Variants in TAFA2 observed in about 807,000 individuals in gnomAD.
The protein encoded by TAFA2 is TAFA chemokine like family member 2.
Under a neutral mutation model 18.8 loss-of-function variants are expected in TAFA2, and 7 were observed. That is an observed-to-expected ratio of 0.37 (90% CI 0.21 to 0.70). TAFA2 has a LOEUF of 0.70. Among genes scored for constraint, TAFA2 ranks in the 30% least tolerant of loss-of-function variants. The pLI is 0.53. For missense variants in TAFA2, 122 were observed against 158.1 expected, an observed-to-expected ratio of 0.77 and a Z score of 1.23; for synonymous variants, 60 against 54.2, an observed-to-expected ratio of 1.11 and a Z score of -0.47.
intron 2 of TAFA2, among the ~76,000 whole-genome samples, chr12:61,836,758 C>T (rs865793041): frequency 0.052 from 3,014 of 58,460 alleles, 77 homozygotes; most frequent in African/African-American, 0.13. Context: ...TATATATATA[C>T]ACACACACAC....
At chr12:61,884,583 T>C (rs1875290035) in intron 1 of TAFA2, among the ~76,000 whole-genome samples, 1 of 152,158 alleles carries the variant, frequency 6.6e-6, no homozygotes, top group African/African-American at 2.4e-5. Context: ...TCTTAAAAAC[T>C]AGAGATGCTA....
At chr12:61,879,894 A>G in intron 1 of TAFA2, 1 of 914,370 alleles carries the variant, frequency 1.1e-6, no homozygotes, top group Non-Finnish European at 1.8e-6. Context: ...GAGATGGAGA[A>G]TGAATTTGTC....
At chr12:62,151,239 C>A (rs571537348) in intron 1 of TAFA2, among the ~76,000 whole-genome samples, 2 of 152,250 alleles carry the variant, frequency 1.3e-5, no homozygotes, top group South Asian at 4.1e-4. Flanking sequence ...CTAATCAGTA[C>A]CTATCTTGCT....
At chr12:62,095,924 G>A (rs1427811203) in intron 1 of TAFA2, among the ~76,000 whole-genome samples, 1 of 152,122 alleles carries the variant, frequency 6.6e-6, no homozygotes, top group East Asian at 1.9e-4. Flanking sequence ...AGGATGAGAA[G>A]GAGCCAGTTT....
At chr12:61,919,604 C>A (rs1330531263) in intron 1 of TAFA2, among the ~76,000 whole-genome samples, 3 of 152,084 alleles carry the variant, frequency 2.0e-5, no homozygotes, top group Non-Finnish European at 4.4e-5. Flanking sequence ...ACACTCAGAT[C>A]AACCATCAAT....
intron 1 of TAFA2, among the ~76,000 whole-genome samples, chr12:62,254,842 T>C (rs2062930863): frequency 6.6e-6 from 1 of 152,214 alleles, no homozygotes; most frequent in Non-Finnish European, 1.5e-5. Context: ...TCTAAGACTC[T>C]TTGTGAGCAA....
chr12:61,917,594 G>T (rs1876878586), intron 1 of TAFA2, among the ~76,000 whole-genome samples: 2 of 152,134 alleles, frequency 1.3e-5, no homozygotes. Flanking sequence ...TGACATATCA[G>T]GAAGCTTGGC....
intron 1 of TAFA2, among the ~76,000 whole-genome samples, chr12:62,014,209 G>T (rs1488093004): frequency 6.6e-6 from 1 of 152,164 alleles, no homozygotes; most frequent in African/African-American, 2.4e-5. Flanking sequence ...AGAATACAGG[G>T]TAAATTTAAC....
In TAFA2 at chr12:62,100,604, C is replaced by G. The variant is rs188769438; in HGVS notation, c.-2+90655G>C. ...ATAGCCTATATCATACATCTCATCC[C>G]ATCCAGTCATCCTAAAAGAACAGTG... On this transcript the variant is annotated intron_variant, in intron 1 of 4. Transcript: ENST00000416284. 2.1e-3 allele frequency among the ~76,000 whole-genome samples: 314 copies of G among 152,270 alleles called. 2 individuals carry two copies. Among genetic ancestry groups the G allele is most frequent in the Non-Finnish European group, 1.9e-3 (129 of 68,036 alleles).
At chr12:61,824,977 T>C (rs1463286379) in intron 2 of TAFA2, among the ~76,000 whole-genome samples, 3 of 152,196 alleles carry the variant, frequency 2.0e-5, no homozygotes, top group Non-Finnish European at 2.9e-5. Flanking sequence ...AGCCCATCTA[T>C]GATGTTTGTA....
At chr12:61,715,755 A>T (rs967796139) in intron 4 of TAFA2, among the ~76,000 whole-genome samples, 1 of 151,786 alleles carries the variant, frequency 6.6e-6, no homozygotes, top group Non-Finnish European at 1.5e-5. Flanking sequence ...CTACAAAAAA[A>T]AAAAAAATTA....
At chr12:61,967,747 A>G (rs1171008054) in intron 1 of TAFA2, among the ~76,000 whole-genome samples, 1 of 151,862 alleles carries the variant, frequency 6.6e-6, no homozygotes, top group Non-Finnish European at 1.5e-5. Flanking sequence ...AGGAAATCAG[A>G]ATAAAACAGA....
At chr12:62,042,432 CGTGTGT>C (rs71450572) in intron 1 of TAFA2, among the ~76,000 whole-genome samples, 2 of 143,496 alleles carry the variant, frequency 1.4e-5, no homozygotes, top group African/African-American at 5.6e-5. Context: ...TGTGTGTGCG[CGTGTGT>C]GTGTGTGTGT....
At chr12:61,969,998 C>T (rs1879192948) in intron 1 of TAFA2, among the ~76,000 whole-genome samples, 1 of 151,622 alleles carries the variant, frequency 6.6e-6, no homozygotes, top group Admixed American at 6.6e-5. Flanking sequence ...TATTAAGGAG[C>T]TTGACAGTCA....
chr12:61,802,184 T>A (rs1191764068), intron 2 of TAFA2, among the ~76,000 whole-genome samples: 2 of 152,002 alleles, frequency 1.3e-5, no homozygotes, highest in Non-Finnish European at 2.9e-5. Flanking sequence ...ATAGCCACTA[T>A]TGAAAACAGT....
chr12:61,808,765 C>T (rs1871735218), intron 2 of TAFA2, among the ~76,000 whole-genome samples: 2 of 151,408 alleles, frequency 1.3e-5, no homozygotes, highest in Non-Finnish European at 2.9e-5. Flanking sequence ...TTAACGAGAT[C>T]AATGTTGTCA....
chr12:61,893,834 T>C (rs1003182415), intron 1 of TAFA2, among the ~76,000 whole-genome samples: 17 of 152,356 alleles, frequency 1.1e-4, no homozygotes, highest in African/African-American at 4.1e-4. Context: ...AAATGAATGT[T>C]AGATAATCAC....
chr12:61,928,970 G>C (rs1188225699), intron 1 of TAFA2, among the ~76,000 whole-genome samples: 1 of 152,072 alleles, frequency 6.6e-6, no homozygotes, highest in African/African-American at 2.4e-5. Context: ...AGAACACATG[G>C]ACACAGGGAG....
chr12:62,010,307 G>A (rs186308742), intron 1 of TAFA2, among the ~76,000 whole-genome samples: 21 of 152,156 alleles, frequency 1.4e-4, no homozygotes, highest in East Asian at 1.4e-3. Context: ...TTGCCAGCGC[G>A]CCGCCATGCC....
Sources: allele counts gnomAD v4.1 joint callset (sites outside exome capture counted in the v4.1 genomes callset), GRCh38; gene constraint gnomAD v4.1.1; transcripts MANE v1.5; gene names NCBI Gene and HGNC (gene_info 2026-07-23, HGNC 2026-07-21).